The following LYRM4 variants were observed in gnomAD, a reference collection of about 807,000 sequenced individuals.
LYRM4 encodes the protein LYR motif-containing protein 4.
Under a neutral mutation model 11.7 loss-of-function variants are expected in LYRM4, and 9 were observed. That is an observed-to-expected ratio of 0.77 (90% CI 0.46 to 1.34). LYRM4 has a LOEUF of 1.34. LYRM4 is among the 40% of genes most tolerant of loss of function. The pLI is 0.00. For missense variants in LYRM4, 133 were observed against 112.5 expected, an observed-to-expected ratio of 1.18 and a Z score of -0.82; for synonymous variants, 42 against 40.4, an observed-to-expected ratio of 1.04 and a Z score of -0.15.
chr6:5,147,590 A>T (rs937439201), intron 2 of LYRM4, among the ~76,000 whole-genome samples: 6 of 152,222 alleles, frequency 3.9e-5, no homozygotes, highest in African/African-American at 1.4e-4. Context: ...ACCAAACTTT[A>T]CATATGCTCA....
At chr6:5,057,596 TC>T in the LYRM4 span, among the ~76,000 whole-genome samples, 5 of 151,740 alleles carry the variant, frequency 3.3e-5, no homozygotes, top group Non-Finnish European at 5.9e-5. Flanking sequence ...GCGCCTGTAA[TC>T]CCAGCTACTC....
downstream of LYRM4, chr6:5,106,411 G>A (rs1308703374): frequency 6.6e-6 from 1 of 152,288 alleles, no homozygotes; most frequent in African/African-American, 2.4e-5. Flanking sequence ...GAGCTCTGAT[G>A]TTTGTCATCT....
chr6:5,185,268 G>A (rs1760320583), intron 2 of LYRM4, among the ~76,000 whole-genome samples: 1 of 152,204 alleles, frequency 6.6e-6, no homozygotes, highest in Non-Finnish European at 1.5e-5. Context: ...CAATGACCAA[G>A]CATCTGCCCT....
chr6:5,094,095 T>C, the LYRM4 span, among the ~76,000 whole-genome samples: 3 of 152,344 alleles, frequency 2.0e-5, no homozygotes, highest in East Asian at 1.9e-4. Context: ...TGAGCCACTA[T>C]TGTGGATGGT....
chr6:5,220,304 A>G (rs947740576), intron 1 of LYRM4, among the ~76,000 whole-genome samples: 2 of 152,344 alleles, frequency 1.3e-5, no homozygotes, highest in Admixed American at 6.5e-5. Context: ...TTGGAGGCTC[A>G]TATCAGCTTT....
intron 2 of LYRM4, among the ~76,000 whole-genome samples, chr6:5,192,655 ATGAGATCTAACTTC>A (rs1445776092): frequency 2.6e-5 from 4 of 152,142 alleles, no homozygotes; most frequent in Non-Finnish European, 5.9e-5. Flanking sequence ...CTCTTCCATG[ATGAGATCTAACTTC>A]TGAATCTGCG....
the LYRM4 span, among the ~76,000 whole-genome samples, chr6:5,064,562 T>C: frequency 6.6e-6 from 1 of 152,196 alleles, no homozygotes; most frequent in African/African-American, 2.4e-5. Context: ...TTCAATTAAC[T>C]TTTTGCTTAA....
intron 2 of LYRM4, among the ~76,000 whole-genome samples, chr6:5,118,079 AAT>A (rs113661997): frequency 2.5e-5 from 1 of 40,346 alleles, no homozygotes; most frequent in Non-Finnish European, 5.8e-5. Flanking sequence ...TCACCAAAAC[AAT>A]ATATATATAT....
chr6:5,207,208 G>C (rs758459537), intron 2 of LYRM4, among the ~76,000 whole-genome samples: 20 of 152,146 alleles, frequency 1.3e-4, no homozygotes, highest in Admixed American at 1.0e-3. Flanking sequence ...TGTATAATTA[G>C]GAGAGATCTT....
intron 1 of LYRM4, among the ~76,000 whole-genome samples, chr6:5,227,504 G>A (rs909134507): frequency 6.6e-5 from 10 of 152,156 alleles, no homozygotes; most frequent in African/African-American, 1.2e-4. Flanking sequence ...ACCAGAAATA[G>A]GAATGCTTTT....
intron 1 of LYRM4, 30 bp downstream of exon 1, chr6:5,260,617 CG>C: frequency 2.0e-6 from 3 of 1,491,580 alleles, no homozygotes; most frequent in African/African-American, 1.4e-5. Context: ...CCTGGCCCCC[CG>C]CCCCCGGCCC....
At chr6:5,154,410 G>A (rs1758265341) in intron 2 of LYRM4, among the ~76,000 whole-genome samples, 2 of 150,122 alleles carry the variant, frequency 1.3e-5, no homozygotes, top group Admixed American at 6.7e-5. Context: ...TGAGAAAGGA[G>A]GTTGCAAAGG....
the LYRM4 span, among the ~76,000 whole-genome samples, chr6:5,037,992 G>A: frequency 1.7e-5 from 1 of 58,764 alleles, no homozygotes; most frequent in African/African-American, 4.6e-5. Context: ...GGGCGGAGAC[G>A]CTCCTCACTT....
chr6:5,092,624 A>C, the LYRM4 span, among the ~76,000 whole-genome samples: 1 of 152,036 alleles, frequency 6.6e-6, no homozygotes, highest in Non-Finnish European at 1.5e-5. Context: ...AGGCTGAGGC[A>C]GAACAATCCC....
chr6:5,076,638 C>T, the LYRM4 span, among the ~76,000 whole-genome samples: 4 of 152,156 alleles, frequency 2.6e-5, no homozygotes, highest in Non-Finnish European at 5.9e-5. Context: ...ATGGTATCAC[C>T]ACCTAAGGAG....
the LYRM4 span, chr6:5,089,480 C>CA: frequency 6.6e-6 from 1 of 152,104 alleles, no homozygotes; most frequent in African/African-American, 2.4e-5. Context: ...TATAATGATT[C>CA]AAACAGAGAT....
intron 2 of LYRM4, among the ~76,000 whole-genome samples, chr6:5,180,984 T>A (rs903544697): frequency 3.3e-5 from 5 of 152,236 alleles, no homozygotes; most frequent in African/African-American, 1.2e-4. Flanking sequence ...TTCACTTTTC[T>A]CAAGCAATAC....
At chr6:5,140,598 T>A (rs1254542398) in intron 2 of LYRM4, among the ~76,000 whole-genome samples, 1 of 152,148 alleles carries the variant, frequency 6.6e-6, no homozygotes, top group East Asian at 1.9e-4. Flanking sequence ...TGGCTGAGGA[T>A]CCCGTTTCTG....
intron 2 of LYRM4, among the ~76,000 whole-genome samples, chr6:5,151,819 C>T (rs1464079368): frequency 6.6e-6 from 1 of 152,164 alleles, no homozygotes; most frequent in African/African-American, 2.4e-5. Context: ...CATAAATTAT[C>T]AAATAGAGTC....
Sources: allele counts gnomAD v4.1 joint callset (sites outside exome capture counted in the v4.1 genomes callset), GRCh38; gene constraint gnomAD v4.1.1; transcripts MANE v1.5; gene names NCBI Gene and HGNC (gene_info 2026-07-23, HGNC 2026-07-21).